Variants in CACNA1H observed in about 807,000 individuals in gnomAD.
CACNA1H encodes calcium voltage-gated channel subunit alpha1 H, also known as voltage-dependent T-type calcium channel subunit alpha-1H.
A neutral mutation model predicts 192.5 loss-of-function variants in CACNA1H; 149 were observed. The ratio of observed to expected loss-of-function variants is 0.77; its 90% CI spans 0.68 to 0.89. CACNA1H has a LOEUF of 0.89. CACNA1H is among the 40% of genes least tolerant of loss of function. CACNA1H has a pLI of 0.00. For synonymous variants in CACNA1H, 2,202 were observed against 1,475.2 expected (o/e 1.49, Z -11.29); for missense variants, 4,257 against 3,423.5 (o/e 1.24, Z -6.08).
At chr16:1,158,793 G>T (rs1455590609) in intron 2 of CACNA1H, among the ~76,000 whole-genome samples, 4 of 151,874 alleles carry the variant, frequency 2.6e-5, no homozygotes, top group African/African-American at 9.7e-5. Flanking sequence ...CTCCTGCCCC[G>T]CCGCACCCCC....
intron 2 of CACNA1H, among the ~76,000 whole-genome samples, chr16:1,177,659 T>C (rs1365596198): frequency 1.3e-5 from 2 of 150,754 alleles, no homozygotes; most frequent in Non-Finnish European, 3.0e-5. Flanking sequence ...ACAGAGGGAG[T>C]GTGTTTCTCG....
intron 2 of CACNA1H, among the ~76,000 whole-genome samples, chr16:1,155,525 A>T (rs1962225785): frequency 6.6e-6 from 1 of 152,042 alleles, no homozygotes; most frequent in Non-Finnish European, 1.5e-5. Flanking sequence ...TTGGAATGGG[A>T]GGCTGGCCCC....
chr16:1,214,826 C>T (rs538687705), intron 27 of CACNA1H, 146 bp from the exon 28 acceptor site: 15 of 631,744 alleles, frequency 2.4e-5, no homozygotes, highest in Non-Finnish European at 3.4e-5. Context: ...GCCGAAGAGG[C>T]TCCCGGTGCC....
intron 2 of CACNA1H, among the ~76,000 whole-genome samples, chr16:1,174,215 A>G (rs1303205874): frequency 6.6e-6 from 1 of 152,052 alleles, no homozygotes; most frequent in Non-Finnish European, 1.5e-5. Flanking sequence ...CCTCCCTCTC[A>G]TGGCACCCGG....
chr16:1,172,100 C>G (rs894367887), intron 2 of CACNA1H, among the ~76,000 whole-genome samples: 2 of 152,002 alleles, frequency 1.3e-5, no homozygotes, highest in Admixed American at 1.3e-4. Flanking sequence ...CAGACGTCAC[C>G]GGGATGATGC....
In CACNA1H at chr16:1,163,354, G is replaced by A. The variant is rs549568034; in HGVS notation, c.299+9318G>A. Among the ~76,000 whole-genome samples the A allele has an allele frequency of 2.6e-5, 4 of 152,312 alleles. No individual in the cohort carries two copies. The South Asian group carries it at 8.3e-4, about 32-fold the overall frequency. On this transcript the variant is annotated intron_variant, in intron 2 of 34. Coordinates refer to ENST00000348261, the MANE Select transcript of CACNA1H (RefSeq NM_021098.3). The stretch of plus-strand genomic sequence containing the variant: ...GCGCCGGGGTACGGTGTGGAGCTAC[G>A]AGTCTCCCCATGGCACCTCGTGCTC...
chr16:1,200,379 C>A lies in CACNA1H; in HGVS notation c.927C>A (p.Arg309=). 1 of 1,602,486 alleles carries A rather than the reference C, an allele frequency of 6.2e-7. No individual in the cohort carries two copies. The highest frequency in any genetic ancestry group is 8.5e-7 in the Non-Finnish European group (1 of 1,175,326). Residue 309 remains arginine, a synonymous_variant, in exon 7 of 35, where the codon CGC becomes CGA. Coordinates refer to ENST00000348261, the MANE Select transcript of CACNA1H (RefSeq NM_021098.3). ...AGTGCTCGCACATCCCCGGCCGCCG[C>A]GAGCTGCGCATGCCCTGCACCCTGG... is the stretch of plus-strand genomic sequence containing the variant. The part of the protein sequence containing the change: ...MQKCSHIPGR[R]ELRMPCTLGW...
In CACNA1H at chr16:1,220,817, C is replaced by G; in HGVS notation, c.6885C>G (p.Ser2295=). ...SHSVTPESRA[S]SSGAIVPLEP... ...GTGTGACCCCAGAATCCAGAGCTTC[C>G]TCTTCAGGGGCCATAGTGCCCCTGG... Residue 2295 remains serine (S), a synonymous_variant, in exon 35 of 35, where the codon TCC becomes TCG. Coordinates refer to ENST00000348261, the MANE Select transcript of CACNA1H (RefSeq NM_021098.3). 4.3e-6 allele frequency: 7 copies of G among 1,612,838 alleles called. No homozygotes were observed. Among genetic ancestry groups the G allele is most frequent in the Middle Eastern group, 1.6e-4 (1 of 6,062 alleles).
rs778739975 is a variant in CACNA1H, at chr16:1,200,275, C to T, written c.823C>T (p.Leu275=). The change falls in exon 7 of 35, where the codon CTG becomes TTG. Residue 275 remains leucine (L), a synonymous_variant. Transcript: ENST00000348261. The part of the protein sequence containing the change: ...AFVRNNNLTF[L]RPYYQTEEGE... ...CCCCAGGAACAACAACCTGACCTTC[C>T]TGCGGCCGTACTACCAGACGGAGGA... 6 of 1,601,760 alleles carry T rather than the reference C, an allele frequency of 3.7e-6. No homozygotes were observed. Among genetic ancestry groups the T allele is most frequent in the East Asian group, 2.2e-5 (1 of 44,510 alleles).
intron 5 of CACNA1H, among the ~76,000 whole-genome samples, chr16:1,197,447 C>T (rs1967116375): frequency 6.6e-6 from 1 of 152,212 alleles, no homozygotes; most frequent in African/African-American, 2.4e-5. Flanking sequence ...GCCAGAGTGG[C>T]CCTAATTGTC....
chr16:1,195,064 A>G lies in CACNA1H; in HGVS notation c.392A>G (p.Glu131Gly), dbSNP rs758705528. ...RPCEDVECGS[E>G]RCNILEAFDA... Reference sequence around the variant, plus strand: ...TGTGAGGACGTTGAGTGCGGCTCCGAGCGCTGCAACATCCTGGAGGTGAGG... The same window carrying G: ...TGTGAGGACGTTGAGTGCGGCTCCGGGCGCTGCAACATCCTGGAGGTGAGG... Residue 131 changes from glutamate to glycine, a missense_variant, in exon 3 of 35, where the codon GAG becomes GGG. By Grantham distance (98) the Glu-to-Gly change is moderately conservative. Transcript: ENST00000348261. 1.3e-6 allele frequency: 2 copies of G among 1,593,698 alleles called. No homozygotes were observed. The highest frequency in any genetic ancestry group is 8.6e-7 in the Non-Finnish European group (1 of 1,168,740).
rs900630697 is a variant in CACNA1H at position 1,153,813 on chromosome 16, G to C, written c.76G>C (p.Val26Leu). ...GCCGCCCCCTGGCCCTGCGGCGTTG[G>C]TGGGGGCGTCCCCGGAGAGCCCCGG... The part of the protein sequence containing the change: ...GAPPPGPAAL[V>L]GASPESPGAP... Residue 26 changes from valine to leucine, a missense_variant, in exon 2 of 35, where the codon GTG becomes CTG. Coordinates refer to ENST00000348261, the MANE Select transcript of CACNA1H (RefSeq NM_021098.3). The C allele has an allele frequency of 7.9e-7, 1 of 1,270,432 alleles. No homozygotes were observed. Among genetic ancestry groups the C allele is most frequent in the Non-Finnish European group, 9.9e-7 (1 of 1,009,008 alleles). 78.7% of individuals were successfully genotyped at this position (1,270,432 alleles called of 1,614,324 possible).
intron 27 of CACNA1H, among the ~76,000 whole-genome samples, chr16:1,214,377 C>T (rs1297173459): frequency 2.0e-5 from 3 of 152,244 alleles, no homozygotes; most frequent in Non-Finnish European, 4.4e-5. Context: ...TGAGGCTGAA[C>T]AGACTCAGCT....
intron 4 of CACNA1H, among the ~76,000 whole-genome samples, 160 bp downstream of exon 4, chr16:1,195,725 T>C (rs536319083): frequency 1.3e-5 from 2 of 152,252 alleles, no homozygotes; most frequent in African/African-American, 4.8e-5. Context: ...CCCTCCCTCC[T>C]GGGCACAGGT....
At chr16:1,158,623 G>T in intron 2 of CACNA1H, among the ~76,000 whole-genome samples, 1 of 152,238 alleles carries the variant, frequency 6.6e-6, no homozygotes, top group South Asian at 2.1e-4. Flanking sequence ...CGGGACTCAG[G>T]CCCCGCTGGG....
Position 1,153,911 on chromosome 16 carries a change from C to A in CACNA1H, c.174C>A (p.Arg58=). ...CCTCCGAGAGCCCGGCGGCCGAGCG[C>A]GGCGCGGAGCTGGGTGCCGACGAGG... ...VSPSESPAAE[R]GAELGADEEQ... The change falls in exon 2 of 35, where the codon CGC becomes CGA. Residue 58 remains arginine, a synonymous_variant. Transcript: ENST00000348261. 1 of 1,453,560 alleles carries A rather than the reference C, an allele frequency of 6.9e-7. No homozygotes were observed. The highest frequency in any genetic ancestry group is 1.3e-5 in the South Asian group (1 of 76,618). The allele number at this position is 1,453,560 out of a possible 1,614,324, so 90.0% of individuals were successfully genotyped here.
At chr16:1,154,995 G>T (rs953999491) in intron 2 of CACNA1H, among the ~76,000 whole-genome samples, 3 of 152,176 alleles carry the variant, frequency 2.0e-5, no homozygotes, top group Non-Finnish European at 4.4e-5. Flanking sequence ...CCTGGGGACG[G>T]GTGGAGAGAC....
chr16:1,202,243 C>A lies in CACNA1H; in HGVS notation c.1793C>A (p.Ala598Asp). The change falls in exon 9 of 35, where the codon GCC (alanine) becomes GAC (aspartate). Residue 598 changes from alanine (A) to aspartate (D), a missense_variant. Physicochemically the swap from Ala to Asp is moderately radical, Grantham distance 126 (BLOSUM62 -2). Coordinates refer to ENST00000348261, the MANE Select transcript of CACNA1H (RefSeq NM_021098.3). ...RARVAHAAAT[A>D]AASLRLATGL... ...CGGGTGGCACATGCCGCAGCCACTG[C>A]CGCTGCCAGCCTCAGACTGGCCACA... 1 of 1,562,950 alleles carries A rather than the reference C, an allele frequency of 6.4e-7. No individual in the cohort carries two copies. Among genetic ancestry groups the A allele is most frequent in the Non-Finnish European group, 8.7e-7 (1 of 1,155,748 alleles).
At chr16:1,218,720 G>C in intron 33 of CACNA1H, 69 bp downstream of exon 33, 2 of 1,399,628 alleles carry the variant, frequency 1.4e-6, no homozygotes, top group Non-Finnish European at 1.9e-6. Context: ...GGGGCAGGTG[G>C]GAGGGAGGAT....
Sources: allele counts gnomAD v4.1 joint callset (sites outside exome capture counted in the v4.1 genomes callset), GRCh38; gene constraint gnomAD v4.1.1; transcripts MANE v1.5; gene names NCBI Gene and HGNC (gene_info 2026-07-23, HGNC 2026-07-21).